PHLDB1: variants seen among roughly 807,000 people sequenced by gnomAD.
PHLDB1 encodes pleckstrin homology-like domain family B member 1.
PHLDB1 carries 65 observed loss-of-function variants against 139.3 expected under a neutral mutation model. The ratio of observed to expected loss-of-function variants is 0.47; its 90% CI spans 0.38 to 0.57. The LOEUF (loss-of-function observed/expected upper bound fraction) is 0.57. Among genes scored for constraint, PHLDB1 ranks in the 20% least tolerant of loss-of-function variants. The pLI is 0.00. For synonymous variants in PHLDB1, 679 were observed against 734.5 expected, an observed-to-expected ratio of 0.92 and a Z score of 1.22; for missense variants, 1,624 against 1,839.7, an observed-to-expected ratio of 0.88 and a Z score of 2.14.
chr11:118,645,275 CCTCT>C lies in PHLDB1; in HGVS notation c.3122-80_3122-77del. On this transcript the variant is annotated intron_variant, in intron 15 of 22. Transcript: ENST00000600882. This position sits in a 1 kb window ranked among gnomAD's most constrained non-coding sequence, Gnocchi z 5.1. ...GTTAACCTCTCCCTGCTTGCCCCTCCCTCTGTGTGTTGTGCTGCCAGTGGCCTGC... is the reference window on the plus strand; with the variant it reads ...GTTAACCTCTCCCTGCTTGCCCCTCCGTGTGTTGTGCTGCCAGTGGCCTGC... The C allele has an allele frequency of 9.0e-7, 1 of 1,115,126 alleles. No individual in the cohort carries two copies. Among genetic ancestry groups the C allele is most frequent in the Non-Finnish European group, 1.3e-6 (1 of 794,272 alleles). 69.1% of individuals were successfully genotyped at this position (1,115,126 alleles called of 1,614,324 possible).
Position 118,645,384 on chromosome 11 carries a change from G to A in PHLDB1, c.3150G>A (p.Arg1050=), listed in dbSNP as rs782535940. The change falls in exon 16 of 23, where the codon CGG becomes CGA. Residue 1050 remains arginine (R), a synonymous_variant. Transcript: ENST00000600882. The surrounding 1 kb of genome is among the most constrained non-coding windows in gnomAD (Gnocchi z 5.1). ...AACAAGTGATTGAAGAGCAGCGGCG[G>A]CGACTGGCTGAGCTGAAGCAGAAAG... ...KGQQVIEEQR[R]RLAELKQKAA... is the part of the protein sequence containing the mutation. 9 of 1,520,558 alleles carry A rather than the reference G, an allele frequency of 5.9e-6. No individual in the cohort carries two copies. In the South Asian group the frequency reaches 1.2e-4, roughly 20 times the overall value. 94.2% of individuals were successfully genotyped at this position (1,520,558 alleles called of 1,614,324 possible). A position where few individuals can be genotyped will look rare whatever the true frequency, so the allele number is the denominator to read the frequency against.
chr11:118,620,446 C>T lies in PHLDB1; in HGVS notation c.355+4235C>T, dbSNP rs1269392991. Among the ~76,000 whole-genome samples the T allele has an allele frequency of 6.6e-6, 1 of 152,190 alleles. No individual in the cohort carries two copies. Among genetic ancestry groups the T allele is most frequent in the African/African-American group, 2.4e-5 (1 of 41,448 alleles). ...GGCGGAGGTTGCAGTGAGCCGAGAT[C>T]GCACCATTGCACTCCAGCCTGGGCA... On this transcript the variant is annotated intron_variant, in intron 4 of 22. Transcript: ENST00000600882. This position sits in a 1 kb window ranked among gnomAD's most constrained non-coding sequence, Gnocchi z 4.1.
chr11:118,631,314 A>G lies in PHLDB1; in HGVS notation c.1935A>G (p.Ala645=), dbSNP rs373419516. 1.0e-4 allele frequency: 159 copies of G among 1,549,350 alleles called. No individual in the cohort carries two copies. Among genetic ancestry groups the G allele is most frequent in the Admixed American group, 3.0e-4 (15 of 49,194 alleles). ...CCAGCATTGGGGAGGCCACCGCAGC[A>G]TTGGCACTGGCAGGCCGGAGGCCCT... The part of the protein sequence containing the change: ...ELPSIGEATA[A]LALAGRRPSR... The change falls in exon 7 of 23, where the codon GCA becomes GCG. Residue 645 remains alanine, a synonymous_variant. Coordinates refer to ENST00000600882, the MANE Select transcript of PHLDB1 (RefSeq NM_001144758.3).
In PHLDB1 at chr11:118,627,930, T is replaced by C. The variant is rs2136148448; in HGVS notation, c.1107T>C (p.Ser369=). The C allele has an allele frequency of 6.2e-7, 1 of 1,613,038 alleles. No homozygotes were observed. The highest frequency in any genetic ancestry group is 1.3e-5 in the African/African-American group (1 of 75,054). ...VAISLSEYPA[S]GALSQPTSIP... is the part of the protein sequence containing the mutation. ...TCAGCCTGAGTGAATACCCAGCTTCTGGTGCTCTCAGTCAACCCACCAGCA... is the reference window on the plus strand; with the variant it reads ...TCAGCCTGAGTGAATACCCAGCTTCCGGTGCTCTCAGTCAACCCACCAGCA... Residue 369 remains serine (S), a synonymous_variant, in exon 6 of 23, where the codon TCT becomes TCC. Coordinates refer to ENST00000600882, the MANE Select transcript of PHLDB1 (RefSeq NM_001144758.3).
Position 118,610,457 on chromosome 11 carries a change from GC to G in PHLDB1, c.-22+2760del. ...CGGCGGCCGAGAGGACCCCAGCTCGGCCTGGCGGGCCTCTGGCCACAGCCAT... is the reference window on the plus strand; with the variant it reads ...CGGCGGCCGAGAGGACCCCAGCTCGGCTGGCGGGCCTCTGGCCACAGCCAT... On this transcript the variant is annotated intron_variant, in intron 1 of 22. Coordinates refer to ENST00000600882, the MANE Select transcript of PHLDB1 (RefSeq NM_001144758.3). The surrounding 1 kb of genome is among the most constrained non-coding windows in gnomAD (Gnocchi z 8.7). 1.0e-6 allele frequency: 1 copy of G among 985,430 alleles called. No individual in the cohort carries two copies. The highest frequency in any genetic ancestry group is 1.2e-6 in the Non-Finnish European group (1 of 829,944). 61.0% of individuals were successfully genotyped at this position (985,430 alleles called of 1,614,324 possible).
At chr11:118,612,514 C>T (rs1299494441) in intron 1 of PHLDB1, among the ~76,000 whole-genome samples, 1 of 152,138 alleles carries the variant, frequency 6.6e-6, no homozygotes, top group Non-Finnish European at 1.5e-5. Context: ...CAGCTTGGGG[C>T]TTTGCATAGG....
intron 1 of PHLDB1, among the ~76,000 whole-genome samples, chr11:118,612,286 T>A (rs1199950278): frequency 1.3e-5 from 2 of 152,230 alleles, no homozygotes; most frequent in Non-Finnish European, 2.9e-5. Flanking sequence ...AGTCTAAAGT[T>A]CTTTCTACCA....
intron 9 of PHLDB1, chr11:118,633,802 G>A (rs1322449415): frequency 6.6e-6 from 1 of 152,324 alleles, no homozygotes; most frequent in African/African-American, 2.4e-5. Context: ...GATGAGTTGG[G>A]TAGAGGGATG....
In PHLDB1 at chr11:118,655,718, G is replaced by GC. The variant is rs782449786; in HGVS notation, c.3960+30dup. ...CAGGGGTGGAGGGCACCAGAGGGGG[G>GC]CCAGAGGGACAGCCATGGGGAAGGG... is the stretch of plus-strand genomic sequence containing the variant. On this transcript the variant is annotated intron_variant, in intron 21 of 22. Coordinates refer to ENST00000600882, the MANE Select transcript of PHLDB1 (RefSeq NM_001144758.3). The GC allele has an allele frequency of 5.3e-5, 84 of 1,572,558 alleles. 1 individual carries two copies. In the South Asian group the frequency reaches 6.2e-4, roughly 12 times the overall value.
At chr11:118,652,576 A>G (rs1188292846) in intron 20 of PHLDB1, 3 of 152,256 alleles carry the variant, frequency 2.0e-5, no homozygotes, top group Admixed American at 1.3e-4. Flanking sequence ...CACTATTTTT[A>G]TGCCATTTTA....
At position 118,608,945 on chromosome 11, in the gene PHLDB1, C is replaced by G. The variant is rs1464930143; in HGVS notation, c.-22+1246C>G. Among the ~76,000 whole-genome samples the G allele has an allele frequency of 1.3e-5, 2 of 151,632 alleles. No homozygotes were observed. The highest frequency in any genetic ancestry group is 2.9e-5 in the Non-Finnish European group (2 of 67,884). On this transcript the variant is annotated intron_variant, in intron 1 of 22. Coordinates refer to ENST00000600882, the MANE Select transcript of PHLDB1 (RefSeq NM_001144758.3). This position sits in a 1 kb window ranked among gnomAD's most constrained non-coding sequence, Gnocchi z 6.7. ...CCCCAGTCACACACACAACCCAGCT[C>G]ACACACGTACCCGTCACACATGAGG...
In PHLDB1 at chr11:118,655,694, A is replaced by G. The variant is rs1254385238; in HGVS notation, c.3960+4A>G. ...CCACCTGCGCAGTGCAGCCAAGGTCAGGGGTGGAGGGCACCAGAGGGGGGC... is the reference window on the plus strand; with the variant it reads ...CCACCTGCGCAGTGCAGCCAAGGTCGGGGGTGGAGGGCACCAGAGGGGGGC... On this transcript the variant is annotated splice_donor_region_variant and intron_variant, in intron 21 of 22. Coordinates refer to ENST00000600882, the MANE Select transcript of PHLDB1 (RefSeq NM_001144758.3). 1.2e-6 allele frequency: 2 copies of G among 1,606,456 alleles called. No homozygotes were observed. Among genetic ancestry groups the G allele is most frequent in the Admixed American group, 1.7e-5 (1 of 59,990 alleles).
At chr11:118,654,983 G>C (rs1948844166) in intron 20 of PHLDB1, 1 of 152,122 alleles carries the variant, frequency 6.6e-6, no homozygotes, top group Non-Finnish European at 1.5e-5. Context: ...CTCCCAAAAT[G>C]CTGGAATTAT....
chr11:118,654,680 G>GTCTGTA, intron 20 of PHLDB1: 1 of 142,254 alleles, frequency 7.0e-6, no homozygotes, highest in African/African-American at 2.6e-5. Flanking sequence ...TTATTTCTGA[G>GTCTGTA]TCTGTATCTG....
chr11:118,642,417 T>C (rs782584522), intron 13 of PHLDB1, 23 bp downstream of exon 13: 1 of 1,601,360 alleles, frequency 6.2e-7, no homozygotes, highest in Non-Finnish European at 8.5e-7. Context: ...TCACTGCCCG[T>C]CCTCCCCAGC....
intron 9 of PHLDB1, chr11:118,633,031 A>G (rs1355459635): frequency 6.1e-6 from 1 of 162,852 alleles, no homozygotes; most frequent in Non-Finnish European, 1.3e-5. Flanking sequence ...GGCCCCCAAA[A>G]CCACACTCCC....
chr11:118,610,931 C>T lies in PHLDB1; in HGVS notation c.-21-2885C>T, dbSNP rs1042920992. Among the ~76,000 whole-genome samples, 1 of 152,146 alleles carries T rather than the reference C, an allele frequency of 6.6e-6. No homozygotes were observed. Reference sequence around the variant, plus strand: ...GGCCTCCGCCACTCGGCTGCCGGGGCGGCACTGGGGCGTCTGTACCCAGCG... The same window carrying T: ...GGCCTCCGCCACTCGGCTGCCGGGGTGGCACTGGGGCGTCTGTACCCAGCG... On this transcript the variant is annotated intron_variant, in intron 1 of 22. Transcript: ENST00000600882. This position sits in a 1 kb window ranked among gnomAD's most constrained non-coding sequence, Gnocchi z 8.7.
rs1555104587 is a variant in PHLDB1, at chr11:118,627,933, T to C, written c.1110T>C (p.Gly370=). 1.2e-6 allele frequency: 2 copies of C among 1,612,872 alleles called. No homozygotes were observed. The highest frequency in any genetic ancestry group is 1.7e-6 in the Non-Finnish European group (2 of 1,179,992). The change falls in exon 6 of 23, where the codon GGT becomes GGC. Residue 370 remains glycine, a synonymous_variant. Coordinates refer to ENST00000600882, the MANE Select transcript of PHLDB1 (RefSeq NM_001144758.3). ...GCCTGAGTGAATACCCAGCTTCTGG[T>C]GCTCTCAGTCAACCCACCAGCATTC... ...AISLSEYPAS[G]ALSQPTSIPG... is the part of the protein sequence containing the mutation.
chr11:118,644,516 C>A, intron 15 of PHLDB1: 1 of 478,504 alleles, frequency 2.1e-6, no homozygotes, highest in Non-Finnish European at 3.5e-6. Context: ...GAGATATTGG[C>A]TCTGGGGACC....
Sources: allele counts gnomAD v4.1 joint callset (sites outside exome capture counted in the v4.1 genomes callset), GRCh38; gene constraint gnomAD v4.1.1; non-coding constraint Gnocchi (gnomAD v3.1); transcripts MANE v1.5; gene names NCBI Gene and HGNC (gene_info 2026-07-23, HGNC 2026-07-21).